PDSS2: variants seen among roughly 807,000 people sequenced by gnomAD.
The protein encoded by PDSS2 is all trans-polyprenyl-diphosphate synthase PDSS2.
PDSS2 carries 31 observed loss-of-function variants against 44.5 expected under a neutral mutation model. The observed-to-expected ratio is 0.70, with a 90% CI of 0.52 to 0.94. The LOEUF (loss-of-function observed/expected upper bound fraction) is 0.94, where lower values mean the gene tolerates loss of function less well. PDSS2 is among the 40% of genes least tolerant of loss of function. The probability of loss-of-function intolerance (pLI) is 0.00; values close to 1 mark genes in which losing one functional copy is unlikely to be tolerated. For missense variants in PDSS2, 452 were observed against 482.2 expected, an observed-to-expected ratio of 0.94 and a Z score of 0.59; for synonymous variants, 157 against 180.3, an observed-to-expected ratio of 0.87 and a Z score of 1.03.
intron 4 of PDSS2, among the ~76,000 whole-genome samples, chr6:107,222,748 T>C (rs1424982141): frequency 4.0e-5 from 6 of 151,598 alleles, no homozygotes; most frequent in Admixed American, 1.3e-4. Context: ...AGTATAGCAA[T>C]TGGATTCCAT....
In PDSS2 at chr6:107,153,218, A is replaced by G. The variant is rs1376007537; in HGVS notation, c.*1401T>C. The G allele has an allele frequency of 6.6e-6, 1 of 152,658 alleles. No homozygotes were observed. Among genetic ancestry groups the G allele is most frequent in the African/African-American group, 2.4e-5 (1 of 41,454 alleles). 9.5% of individuals were successfully genotyped at this position (152,658 alleles called of 1,614,324 possible). A position where few individuals can be genotyped will look rare whatever the true frequency, so the allele number is the denominator to read the frequency against. On this transcript the variant is annotated 3_prime_UTR_variant, in exon 8 of 8. Coordinates refer to ENST00000369037, the MANE Select transcript of PDSS2 (RefSeq NM_020381.4). ...CTCCAGATAGGGCTGTAATTACACC[A>G]CATGAGGAAGAAAGGTAGCTGAGTT...
rs549595002 is a variant in PDSS2, at chr6:107,403,849, G to C, written c.296+55141C>G. 4.6e-5 allele frequency among the ~76,000 whole-genome samples: 7 copies of C among 152,310 alleles called. No individual in the cohort carries two copies. In the South Asian group the frequency reaches 1.5e-3, roughly 32 times the overall value. ...TTTCCCTCCTAGGCCATGGGACTGT[G>C]ATGGGAGGGGCTCTCCAGAAGGTCT... On this transcript the variant is annotated intron_variant, in intron 1 of 7. Transcript: ENST00000369037.
Position 107,368,997 on chromosome 6 carries a change from G to A in PDSS2, c.297-34665C>T, listed in dbSNP as rs1779048570. On this transcript the variant is annotated intron_variant, in intron 1 of 7. Coordinates refer to ENST00000369037, the MANE Select transcript of PDSS2 (RefSeq NM_020381.4). ...AGAGATCAATGGAACAGGGTTTTCA[G>A]TACAGAAATAAATCCTTACATTTAT... Among the ~76,000 whole-genome samples, 3 of 152,312 alleles carry A rather than the reference G, an allele frequency of 2.0e-5. No individual in the cohort carries two copies. The South Asian group carries it at 6.2e-4, about 32-fold the overall frequency.
At chr6:107,192,538 C>T in intron 7 of PDSS2, 2 of 318,198 alleles carry the variant, frequency 6.3e-6, no homozygotes, top group Non-Finnish European at 1.3e-5. Context: ...CCACACCCTA[C>T]CGCAAATGGC....
chr6:107,198,043 G>T (rs1582771197), intron 6 of PDSS2: 1 of 399,720 alleles, frequency 2.5e-6, no homozygotes, highest in East Asian at 7.2e-5. Flanking sequence ...TACTGATAAG[G>T]ACATCTAGAA....
chr6:107,297,626 C>T (rs746099092), intron 2 of PDSS2, among the ~76,000 whole-genome samples: 61 of 151,724 alleles, frequency 4.0e-4, no homozygotes, highest in Non-Finnish European at 1.9e-4. Flanking sequence ...ATGATCCACC[C>T]GCCTCGGCCT....
intron 2 of PDSS2, among the ~76,000 whole-genome samples, chr6:107,282,851 A>T (rs567334983): frequency 6.7e-6 from 1 of 149,000 alleles, no homozygotes; most frequent in African/African-American, 2.5e-5. Flanking sequence ...CCTGGGCAAC[A>T]GAACAAGACT....
At chr6:107,385,773 G>A (rs1779593463) in intron 1 of PDSS2, among the ~76,000 whole-genome samples, 2 of 149,976 alleles carry the variant, frequency 1.3e-5, no homozygotes. Context: ...CAATTCACCT[G>A]TCTGGATCTT....
At chr6:107,323,903 A>G (rs1364331384) in intron 2 of PDSS2, among the ~76,000 whole-genome samples, 2 of 152,222 alleles carry the variant, frequency 1.3e-5, no homozygotes, top group Non-Finnish European at 2.9e-5. Context: ...AGGCTAATCT[A>G]TATCATGTTA....
At chr6:107,369,743 AC>A (rs1779074144) in intron 1 of PDSS2, among the ~76,000 whole-genome samples, 1 of 151,902 alleles carries the variant, frequency 6.6e-6, no homozygotes, top group Non-Finnish European at 1.5e-5. Context: ...CAGTGGCTCC[AC>A]CTGTAATACC....
At chr6:107,433,027 T>A (rs1781240450) in intron 1 of PDSS2, among the ~76,000 whole-genome samples, 1 of 152,156 alleles carries the variant, frequency 6.6e-6, no homozygotes, top group African/African-American at 2.4e-5. Flanking sequence ...ATGTGGTATG[T>A]ATCTTTCTGT....
intron 1 of PDSS2, among the ~76,000 whole-genome samples, chr6:107,430,404 G>C (rs1781158934): frequency 6.6e-6 from 1 of 152,094 alleles, no homozygotes; most frequent in South Asian, 2.1e-4. Flanking sequence ...GAAGGCTGAG[G>C]CACAATAATC....
At chr6:107,371,817 G>A (rs1759769029) in intron 1 of PDSS2, among the ~76,000 whole-genome samples, 1 of 152,114 alleles carries the variant, frequency 6.6e-6, no homozygotes, top group Non-Finnish European at 1.5e-5. Flanking sequence ...TAACAAGAAG[G>A]GAAAAGGCCT....
chr6:107,287,528 T>G (rs1218800978), intron 2 of PDSS2, among the ~76,000 whole-genome samples: 1 of 152,148 alleles, frequency 6.6e-6, no homozygotes, highest in Non-Finnish European at 1.5e-5. Context: ...AAATTTTCAT[T>G]TTATTTTTTT....
intron 1 of PDSS2, among the ~76,000 whole-genome samples, chr6:107,334,687 T>C (rs1371884579): frequency 1.4e-5 from 2 of 147,456 alleles, no homozygotes; most frequent in African/African-American, 5.1e-5. Flanking sequence ...ACTTTAGGTA[T>C]GCACCACGAT....
intron 4 of PDSS2, among the ~76,000 whole-genome samples, chr6:107,227,082 C>T (rs1280847256): frequency 1.3e-5 from 2 of 151,716 alleles, no homozygotes; most frequent in Non-Finnish European, 2.9e-5. Flanking sequence ...TGGGTTCAAG[C>T]GAATCTCCTG....
At chr6:107,203,064 G>A (rs1345684402) in intron 6 of PDSS2, among the ~76,000 whole-genome samples, 1 of 152,062 alleles carries the variant, frequency 6.6e-6, no homozygotes. Flanking sequence ...AATCGACTCA[G>A]GTCTCAGAAA....
At chr6:107,205,027 TA>T (rs1204598569) in intron 6 of PDSS2, among the ~76,000 whole-genome samples, 2 of 152,344 alleles carry the variant, frequency 1.3e-5, no homozygotes, top group Admixed American at 1.3e-4. Flanking sequence ...TTGAAACCAC[TA>T]AAAATGTCTT....
At chr6:107,162,916 G>A (rs376990456) in intron 7 of PDSS2, among the ~76,000 whole-genome samples, 3 of 151,998 alleles carry the variant, frequency 2.0e-5, no homozygotes, top group African/African-American at 4.8e-5. Context: ...CGATAATTCT[G>A]GCACAGGGCT....
Sources: gnomAD v4.1 joint callset for allele counts (sites outside exome capture counted in the v4.1 genomes callset) on GRCh38, gnomAD v4.1.1 for gene constraint, MANE v1.5 for transcripts, NCBI Gene and HGNC (gene_info 2026-07-23, HGNC 2026-07-21) for gene names.